The following ZNF273 variants were observed in gnomAD, a reference collection of about 807,000 sequenced individuals.
ZNF273 encodes the protein zinc finger protein 273.
ZNF273 carries 11 observed loss-of-function variants against 14.9 expected under a neutral mutation model. The observed-to-expected ratio is 0.74, with a 90% CI of 0.46 to 1.22. ZNF273 has a LOEUF of 1.22. ZNF273 is among the 50% of genes most tolerant of loss of function. The pLI, the probability that ZNF273 is intolerant of heterozygous loss-of-function variation, is 0.00. For missense variants in ZNF273, 577 were observed against 660.6 expected (o/e 0.87, Z 1.39); for synonymous variants, 199 against 223.9 (o/e 0.89, Z 0.99).
downstream of ZNF273, among the ~76,000 whole-genome samples, chr7:64,880,843 T>TG (rs1362391947): frequency 1.3e-5 from 2 of 152,134 alleles, no homozygotes; most frequent in Admixed American, 1.3e-4. Flanking sequence ...AGCAGTCCTG[T>TG]GCCCAGGACT....
intron 1 of ZNF273, among the ~76,000 whole-genome samples, chr7:64,913,099 C>G (rs1793691198): frequency 6.6e-6 from 1 of 151,936 alleles, no homozygotes; most frequent in African/African-American, 2.4e-5. Context: ...TCCCAAAGTG[C>G]TGGGATTACA....
intron 1 of ZNF273, among the ~76,000 whole-genome samples, chr7:64,914,010 C>T (rs180839220): frequency 2.1e-4 from 32 of 151,300 alleles, no homozygotes; most frequent in East Asian, 9.7e-4. Context: ...TTGTCGTTTT[C>T]GCCTTTTTTT....
chr7:64,905,109 C>CTT lies in ZNF273; in HGVS notation c.102+1715_102+1716dup, dbSNP rs61024093. ...GGGCTGAGAGGCATCTCCTGGTGCA[C>CTT]TTTTTTTTTTTTTTTTTTTTTTTTT... is the stretch of plus-strand genomic sequence containing the variant. On this transcript the variant is annotated intron_variant, in intron 1 of 3. Coordinates refer to ENST00000476120, the MANE Select transcript of ZNF273 (RefSeq NM_021148.3). Among the ~76,000 whole-genome samples the CTT allele has an allele frequency of 8.7e-3, 659 of 75,348 alleles. 31 individuals are homozygous for CTT. Among genetic ancestry groups the CTT allele is most frequent in the African/African-American group, 0.032 (607 of 19,254 alleles). 49.4% of individuals were successfully genotyped at this position (75,348 alleles called of 152,430 possible).
In ZNF273 at chr7:64,912,846, T is replaced by TTTTTTTTTTTTTTTTG. The variant is rs1562959220; in HGVS notation, c.103-4735_103-4734insTTTTTTTTTTTTTTTG. Reference sequence around the variant, plus strand: ...TTTTAGTTTTTTTTTTTTTTTTTTTTGAGATTGAGTTTCGCTCTGTCATCC... The same window carrying TTTTTTTTTTTTTTTTG: ...TTTTAGTTTTTTTTTTTTTTTTTTTTTTTTTTTTTTTTTTTGGAGATTGAGTTTCGCTCTGTCATCC... On this transcript the variant is annotated intron_variant, in intron 1 of 3. Transcript: ENST00000476120. Among the ~76,000 whole-genome samples, 102 of 98,248 alleles carry TTTTTTTTTTTTTTTTG rather than the reference T, an allele frequency of 1.0e-3. 23 individuals carry two copies. The highest frequency in any genetic ancestry group is 2.2e-3 in the Non-Finnish European group (85 of 39,238). The allele number at this position is 98,248 out of a possible 152,430, so 64.5% of individuals were successfully genotyped here. A position where few individuals can be genotyped will look rare whatever the true frequency, so the allele number is the denominator to read the frequency against.
chr7:64,920,735 C>T (rs1241241802), intron 3 of ZNF273, among the ~76,000 whole-genome samples: 1 of 152,120 alleles, frequency 6.6e-6, no homozygotes, highest in East Asian at 1.9e-4. Context: ...TTCATAACTC[C>T]CTCCCTGGAT....
In ZNF273 at chr7:64,928,829, C is replaced by T; in HGVS notation, c.1501C>T (p.Leu501Phe). 1.2e-6 allele frequency: 2 copies of T among 1,613,810 alleles called. No homozygotes were observed. The highest frequency in any genetic ancestry group is 1.7e-6 in the Non-Finnish European group (2 of 1,179,910). ...CGKAFNWSST[L>F]TKHKRIHTGE... ...TAAAGCCTTTAACTGGTCCTCAACTCTTACTAAACATAAGAGAATTCATAC... is the reference window on the plus strand; with the variant it reads ...TAAAGCCTTTAACTGGTCCTCAACTTTTACTAAACATAAGAGAATTCATAC... The change falls in exon 4 of 4, where the codon CTT becomes TTT. Residue 501 changes from leucine to phenylalanine, a missense_variant. This residue lies in a region of ZNF273 where 411 missense variants were observed against 440.4 expected (regional missense o/e 0.93). Transcript: ENST00000476120.
chr7:64,895,482 G>A (rs899220399), intron 3 of ZNF273, among the ~76,000 whole-genome samples: 19 of 152,104 alleles, frequency 1.2e-4, no homozygotes, highest in Non-Finnish European at 2.5e-4. Context: ...CTAACAGTGT[G>A]CCTGTATGAC....
downstream of ZNF273, chr7:64,889,200 G>C (rs1791803290): frequency 2.0e-6 from 2 of 985,772 alleles, no homozygotes. This position sits in a 1 kb window ranked among gnomAD's most constrained non-coding sequence, Gnocchi z 4.2. Context: ...GCAGTCATGG[G>C]GTCACCGGCT....
chr7:64,900,523 G>A (rs575228236), upstream of ZNF273, among the ~76,000 whole-genome samples: 2 of 152,294 alleles, frequency 1.3e-5, no homozygotes, highest in South Asian at 4.1e-4. Flanking sequence ...CAAACCGGAA[G>A]CTTGCACTAG....
At chr7:64,904,320 G>A (rs1792939905) in intron 1 of ZNF273, among the ~76,000 whole-genome samples, 2 of 152,184 alleles carry the variant, frequency 1.3e-5, no homozygotes, top group African/African-American at 4.8e-5. Flanking sequence ...GAACTCCTGA[G>A]CTCAGGCAAT....
chr7:64,909,402 A>G (rs1485785028), intron 1 of ZNF273, among the ~76,000 whole-genome samples: 1 of 151,452 alleles, frequency 6.6e-6, no homozygotes, highest in Non-Finnish European at 1.5e-5. Flanking sequence ...TTTGTTTTGT[A>G]TTTTTTAGTA....
At chr7:64,914,475 G>A (rs1793811927) in intron 1 of ZNF273, among the ~76,000 whole-genome samples, 1 of 151,934 alleles carries the variant, frequency 6.6e-6, no homozygotes, top group Non-Finnish European at 1.5e-5. Flanking sequence ...TGTGATTCTA[G>A]AGTGAGAACA....
At chr7:64,925,369 C>G (rs1426142471) in intron 3 of ZNF273, among the ~76,000 whole-genome samples, 3 of 152,086 alleles carry the variant, frequency 2.0e-5, no homozygotes, top group Admixed American at 6.6e-5. Flanking sequence ...CATAAAACCT[C>G]TAAAAGATAA....
downstream of ZNF273, among the ~76,000 whole-genome samples, chr7:64,892,550 C>A (rs1792101181): frequency 6.6e-6 from 1 of 152,068 alleles, no homozygotes; most frequent in Non-Finnish European, 1.5e-5. Flanking sequence ...GATTTGTTGC[C>A]TAATGGTCAT....
chr7:64,935,093 T>C (rs181563064), downstream of ZNF273, among the ~76,000 whole-genome samples: 4 of 152,338 alleles, frequency 2.6e-5, no homozygotes, highest in East Asian at 5.8e-4. Flanking sequence ...AGTTAATTGT[T>C]CTTGTGTAGA....
downstream of ZNF273, among the ~76,000 whole-genome samples, chr7:64,894,256 C>T (rs965338314): frequency 1.3e-5 from 2 of 152,208 alleles, no homozygotes; most frequent in Non-Finnish European, 2.9e-5. Flanking sequence ...GCACCAGCCT[C>T]GGCCTCCCAA....
chr7:64,933,978 A>G (rs1212188618), downstream of ZNF273, among the ~76,000 whole-genome samples: 2 of 152,208 alleles, frequency 1.3e-5, no homozygotes, highest in Non-Finnish European at 2.9e-5. Flanking sequence ...CGTGCTGTAC[A>G]GAAAAATCTT....
chr7:64,931,641 AATTT>A (rs1369903270), downstream of ZNF273, among the ~76,000 whole-genome samples: 4 of 152,054 alleles, frequency 2.6e-5, no homozygotes, highest in East Asian at 1.9e-4. Context: ...TTCATAAGTA[AATTT>A]ATTTATTTAT....
chr7:64,925,325 C>T (rs1461401626), intron 3 of ZNF273, among the ~76,000 whole-genome samples: 6 of 151,686 alleles, frequency 4.0e-5, no homozygotes, highest in Admixed American at 3.9e-4. Flanking sequence ...TTTGTGTATC[C>T]ATACAGATAT....
Sources: allele counts gnomAD v4.1 joint callset (sites outside exome capture counted in the v4.1 genomes callset), GRCh38; gene constraint gnomAD v4.1.1; regional missense constraint gnomAD v4.1.1; non-coding constraint Gnocchi (gnomAD v3.1); transcripts MANE v1.5; gene names NCBI Gene and HGNC (gene_info 2026-07-23, HGNC 2026-07-21).